The following CACNB2 variants were observed in gnomAD, a reference collection of about 807,000 sequenced individuals.
CACNB2 encodes the protein calcium voltage-gated channel auxiliary subunit beta 2, also known as voltage-dependent L-type calcium channel subunit beta-2.
In CACNB2, 42 loss-of-function variants were observed where a neutral mutation model predicts 73.3. The observed-to-expected ratio is 0.57, with a 90% CI of 0.45 to 0.74. CACNB2 has a LOEUF of 0.74. Among genes scored for constraint, CACNB2 ranks in the 30% least tolerant of loss-of-function variants. The probability of loss-of-function intolerance (pLI) is 0.00; values close to 1 mark genes in which losing one functional copy is unlikely to be tolerated. For synonymous variants in CACNB2, 348 were observed against 310.3 expected (o/e 1.12, Z -1.28); for missense variants, 940 against 853.0 (o/e 1.10, Z -1.27).
intron 2 of CACNB2, among the ~76,000 whole-genome samples, chr10:18,339,301 G>A (rs984193010): frequency 9.2e-5 from 14 of 151,978 alleles, no homozygotes; most frequent in Non-Finnish European, 1.6e-4. Context: ...CAGGCAGATC[G>A]CTTGAGGTCA....
intron 2 of CACNB2, among the ~76,000 whole-genome samples, chr10:18,180,549 T>A (rs923692814): frequency 3.3e-5 from 5 of 151,972 alleles, no homozygotes; most frequent in African/African-American, 1.2e-4. Flanking sequence ...ACTGTCTTCA[T>A]CTGCAAAATG....
chr10:18,459,726 G>C (rs181325793), intron 3 of CACNB2, among the ~76,000 whole-genome samples: 124 of 152,310 alleles, frequency 8.1e-4, no homozygotes, highest in Non-Finnish European at 1.0e-3. Flanking sequence ...TAGAATGCTG[G>C]CCGGGCGCAG....
chr10:18,183,525 T>A (rs1479930777), intron 2 of CACNB2, among the ~76,000 whole-genome samples: 1 of 152,156 alleles, frequency 6.6e-6, no homozygotes, highest in Non-Finnish European at 1.5e-5. Flanking sequence ...GAAGGGCAAG[T>A]CACGTCTTAC....
intron 2 of CACNB2, among the ~76,000 whole-genome samples, chr10:18,197,822 G>T (rs561748374): frequency 2.6e-5 from 4 of 151,848 alleles, no homozygotes; most frequent in East Asian, 1.9e-4. Context: ...TGAAGGATGG[G>T]TGGACACCTG....
chr10:18,538,648 G>A (rs1286725584), intron 13 of CACNB2, among the ~76,000 whole-genome samples: 2 of 152,160 alleles, frequency 1.3e-5, no homozygotes, highest in Non-Finnish European at 2.9e-5. Flanking sequence ...CTTACCACTT[G>A]TGGGGTGGAT....
rs370951505 is a variant in CACNB2, at chr10:18,529,507, G to C, written c.1054+1810G>C. Among the ~76,000 whole-genome samples, 64 of 152,336 alleles carry C rather than the reference G, an allele frequency of 4.2e-4. No homozygotes were observed. The East Asian group carries it at 5.4e-3, about 13-fold the overall frequency. On this transcript the variant is annotated intron_variant, in intron 10 of 13. Coordinates refer to ENST00000324631, the MANE Select transcript of CACNB2 (RefSeq NM_201596.3). ...GTTGCTGCAGGAGGCACAGGGAAAGGCTTTTCCAGGGAGCTGATCCTGAGC... is the reference window on the plus strand; with the variant it reads ...GTTGCTGCAGGAGGCACAGGGAAAGCCTTTTCCAGGGAGCTGATCCTGAGC...
rs548085821 is a variant in CACNB2, at chr10:18,318,467, A to G, written c.214-83457A>G. 1.5e-4 allele frequency among the ~76,000 whole-genome samples: 23 copies of G among 152,322 alleles called. No homozygotes were observed. The South Asian group carries it at 3.3e-3, about 22-fold the overall frequency. On this transcript the variant is annotated intron_variant, in intron 2 of 13. Transcript: ENST00000324631. ...ATCCCTTCCTTACACCTTATACAAA[A>G]ATTAACTCAAGGTGGATTAAAGACT...
chr10:18,274,184 A>G (rs922112285), intron 2 of CACNB2, among the ~76,000 whole-genome samples: 4 of 151,918 alleles, frequency 2.6e-5, no homozygotes, highest in African/African-American at 4.8e-5. Flanking sequence ...GGTGAAATAA[A>G]TCAACCCGAC....
At chr10:18,323,868 T>C (rs1265822128) in intron 2 of CACNB2, among the ~76,000 whole-genome samples, 5 of 152,236 alleles carry the variant, frequency 3.3e-5, no homozygotes, top group Non-Finnish European at 7.3e-5. Context: ...TGTTACAATA[T>C]GATTACACTT....
At chr10:18,412,583 T>C (rs1308273343) in intron 3 of CACNB2, among the ~76,000 whole-genome samples, 2 of 152,214 alleles carry the variant, frequency 1.3e-5, no homozygotes, top group Non-Finnish European at 2.9e-5. Flanking sequence ...TTATTAAACC[T>C]CCCCTTGACA....
intron 2 of CACNB2, among the ~76,000 whole-genome samples, chr10:18,175,201 G>A (rs1325354624): frequency 6.6e-6 from 1 of 152,176 alleles, no homozygotes; most frequent in Admixed American, 6.5e-5. Context: ...AACTTGCAGT[G>A]TTGTTTGAAA....
At chr10:18,314,375 ACT>A (rs944938925) in intron 2 of CACNB2, among the ~76,000 whole-genome samples, 1 of 152,070 alleles carries the variant, frequency 6.6e-6, no homozygotes, top group Non-Finnish European at 1.5e-5. Flanking sequence ...AAGATGTTTG[ACT>A]CTGTTCACAA....
chr10:18,266,346 A>G (rs947400759), intron 2 of CACNB2, among the ~76,000 whole-genome samples: 6 of 152,174 alleles, frequency 3.9e-5, no homozygotes, highest in African/African-American at 1.4e-4. Flanking sequence ...TGCTTTGGTC[A>G]TCTTGTTTGG....
intron 9 of CACNB2, chr10:18,519,955 C>T (rs1038833228): frequency 7.7e-5 from 26 of 336,540 alleles, no homozygotes; most frequent in African/African-American, 4.6e-4. Context: ...TCTGGAACCA[C>T]ACTTTTCTGG....
chr10:18,322,014 G>T (rs1263050044), intron 2 of CACNB2, among the ~76,000 whole-genome samples: 1 of 151,976 alleles, frequency 6.6e-6, no homozygotes, highest in Non-Finnish European at 1.5e-5. Flanking sequence ...AAATTAGCCA[G>T]GCATGGTGGC....
At chr10:18,343,128 T>A (rs565216524) in intron 2 of CACNB2, among the ~76,000 whole-genome samples, 19 of 152,336 alleles carry the variant, frequency 1.2e-4, no homozygotes, top group African/African-American at 3.6e-4. Flanking sequence ...TAGATCAGTC[T>A]AACTAGTTTT....
chr10:18,439,727 A>G (rs560264677), intron 3 of CACNB2, among the ~76,000 whole-genome samples: 1 of 152,294 alleles, frequency 6.6e-6, no homozygotes, highest in African/African-American at 2.4e-5. Context: ...AGCTTCTAAT[A>G]GCTTCTCTGC....
intron 2 of CACNB2, among the ~76,000 whole-genome samples, chr10:18,202,713 G>C (rs774776726): frequency 2.2e-4 from 34 of 152,194 alleles, no homozygotes; most frequent in Non-Finnish European, 4.6e-4. Flanking sequence ...ACCATTCTCA[G>C]GTTCTATTTT....
intron 7 of CACNB2, among the ~76,000 whole-genome samples, chr10:18,516,225 A>C (rs1019826234): frequency 1.6e-4 from 23 of 143,460 alleles, no homozygotes; most frequent in African/African-American, 5.5e-4. Flanking sequence ...CTCAAAAAAA[A>C]GAAAAAAAAA....
Sources: gnomAD v4.1 joint callset for allele counts (sites outside exome capture counted in the v4.1 genomes callset) on GRCh38, gnomAD v4.1.1 for gene constraint, MANE v1.5 for transcripts, NCBI Gene and HGNC (gene_info 2026-07-23, HGNC 2026-07-21) for gene names.